AASS: variants seen among roughly 807,000 people sequenced by gnomAD.
AASS encodes aminoadipate-semialdehyde synthase.
A neutral mutation model predicts 105.4 loss-of-function variants in AASS; 86 were observed. The observed-to-expected ratio is 0.82, with a 90% CI of 0.69 to 0.98. The LOEUF is 0.98. Among genes scored for constraint, AASS ranks in the 50% least tolerant of loss-of-function variants. AASS has a pLI of 0.00. For synonymous variants in AASS, 381 were observed against 394.8 expected, an observed-to-expected ratio of 0.96 and a Z score of 0.41; for missense variants, 1,048 against 1,143.2, an observed-to-expected ratio of 0.92 and a Z score of 1.20.
chr7:122,083,327 G>C (rs911370885), intron 19 of AASS, among the ~76,000 whole-genome samples: 2 of 152,116 alleles, frequency 1.3e-5, no homozygotes, highest in African/African-American at 4.8e-5. Context: ...ATAGGTGCTA[G>C]AGATCCCTTT....
chr7:122,116,513 C>G (rs1352195529), intron 8 of AASS, 120 bp downstream of exon 8: 1 of 1,290,688 alleles, frequency 7.7e-7, no homozygotes, highest in Non-Finnish European at 1.1e-6. Context: ...TCATGATACC[C>G]AAAGGACTCA....
Position 122,074,559 on chromosome 7 carries a change from G to A in AASS, c.*1930C>T, listed in dbSNP as rs529070008. Among the ~76,000 whole-genome samples, 6 of 152,220 alleles carry A rather than the reference G, an allele frequency of 3.9e-5. No individual in the cohort carries two copies. Among genetic ancestry groups the A allele is most frequent in the African/African-American group, 1.4e-4 (6 of 41,528 alleles). On this transcript the variant is annotated 3_prime_UTR_variant, in exon 24 of 24. Coordinates refer to ENST00000417368, the MANE Select transcript of AASS (RefSeq NM_005763.4). ...TTAAGAAATCATTGCCTAATTCAAA[G>A]TCAGAAAGATTTACGCCATGTTTTC... is the stretch of plus-strand genomic sequence containing the variant.
Position 122,076,501 on chromosome 7 carries a change from T to C in AASS, c.2769A>G (p.Thr923=), listed in dbSNP as rs530793795. The C allele has an allele frequency of 4.5e-5, 72 of 1,609,736 alleles. 1 individual carries two copies. The South Asian group carries it at 7.6e-4, about 17-fold the overall frequency. ...AEGIIYTTQS[T]IKP ...ATATAATTCCCAATTATGGTTTAATTGTACTCTGTGTAGTATATATAATGC... is the reference window on the plus strand; with the variant it reads ...ATATAATTCCCAATTATGGTTTAATCGTACTCTGTGTAGTATATATAATGC... Residue 923 remains threonine, a synonymous_variant, in exon 24 of 24, where the codon ACA becomes ACG. Coordinates refer to ENST00000417368, the MANE Select transcript of AASS (RefSeq NM_005763.4).
intron 2 of AASS, among the ~76,000 whole-genome samples, chr7:122,131,379 GCTTA>G (rs1050996621): frequency 2.0e-5 from 3 of 151,280 alleles, no homozygotes; most frequent in Non-Finnish European, 3.0e-5. Context: ...CATTTAGTGG[GCTTA>G]CTATTAGTTG....
intron 11 of AASS, among the ~76,000 whole-genome samples, chr7:122,103,010 A>G (rs1428103309): frequency 6.6e-6 from 1 of 152,114 alleles, no homozygotes; most frequent in Non-Finnish European, 1.5e-5. Context: ...GACAATATAG[A>G]TAACTTTTTT....
chr7:122,133,728 T>C lies in AASS; in HGVS notation c.-2A>G, dbSNP rs279702. 8.8e-4 allele frequency: 1,419 copies of C among 1,613,994 alleles called. 8 individuals carry two copies. In the African/African-American group the frequency reaches 0.016, roughly 18 times the overall value. On this transcript the variant is annotated 5_prime_UTR_variant, in exon 2 of 24. Coordinates refer to ENST00000417368, the MANE Select transcript of AASS (RefSeq NM_005763.4). ...TCCAGTCCTATGTACTTGCAGCATC[T>C]TGACACCTGGTGACTGTAAAGACAA...
intron 22 of AASS, among the ~76,000 whole-genome samples, chr7:122,078,417 T>G (rs575610970): frequency 1.6e-4 from 25 of 151,678 alleles, no homozygotes; most frequent in African/African-American, 5.8e-4. Context: ...ATGAAGACCA[T>G]CCTGGCCAAC....
rs1030442677 is a variant in AASS at position 122,112,673 on chromosome 7, G to C, written c.1278+445C>G. Among the ~76,000 whole-genome samples, 10 of 152,100 alleles carry C rather than the reference G, an allele frequency of 6.6e-5. No homozygotes were observed. The South Asian group carries it at 8.3e-4, about 13-fold the overall frequency. On this transcript the variant is annotated intron_variant, in intron 11 of 23. Coordinates refer to ENST00000417368, the MANE Select transcript of AASS (RefSeq NM_005763.4). The stretch of plus-strand genomic sequence containing the variant: ...TTTCATTAGCTAATCAATGATCACA[G>C]AAGAAAAATACATGACCTCAACATA...
In AASS at chr7:122,098,516, C is replaced by A. The variant is rs1562918846; in HGVS notation, c.1589G>T (p.Ser530Ile). 1 of 1,611,288 alleles carries A rather than the reference C, an allele frequency of 6.2e-7. No homozygotes were observed. Among genetic ancestry groups the A allele is most frequent in the Middle Eastern group, 1.7e-4 (1 of 6,046 alleles). Residue 530 changes from serine to isoleucine, a missense_variant, in exon 15 of 24, where the codon AGC becomes ATC. Physicochemically the swap from Ser to Ile is moderately radical, Grantham distance 142. Coordinates refer to ENST00000417368, the MANE Select transcript of AASS (RefSeq NM_005763.4). ...LGKKYNINPV[S>I]MDICKQEEKL... ...CTCTTCTTGTTTACAAATGTCCATG[C>A]TAACAGGATTAATATTATATTTCTT...
intron 19 of AASS, chr7:122,082,743 T>C (rs1181615559): frequency 2.8e-6 from 3 of 1,065,226 alleles, no homozygotes; most frequent in Admixed American, 2.3e-5. Flanking sequence ...GGTGCTAGGT[T>C]AGAGGAAAAC....
At chr7:122,115,675 G>A (rs898170483) in intron 8 of AASS, among the ~76,000 whole-genome samples, 24 of 152,008 alleles carry the variant, frequency 1.6e-4, no homozygotes, top group African/African-American at 5.1e-4. Flanking sequence ...AGATTAAATC[G>A]GATAACATCT....
chr7:122,133,900 T>A, intron 1 of AASS, 159 bp from the exon 2 acceptor site: 1 of 684,828 alleles, frequency 1.5e-6, no homozygotes, highest in Admixed American at 2.7e-5. Flanking sequence ...CAAGTGTTCC[T>A]TTAAAGCCAA....
chr7:122,092,493 G>A (rs1046130391), intron 17 of AASS, among the ~76,000 whole-genome samples: 2 of 152,062 alleles, frequency 1.3e-5, no homozygotes, highest in African/African-American at 2.4e-5. Context: ...GGGAGGCTGA[G>A]GGGGGCAGAT....
chr7:122,093,112 T>A lies in AASS; in HGVS notation c.1702A>T (p.Thr568Ser). The A allele has an allele frequency of 6.2e-7, 1 of 1,613,994 alleles. No individual in the cohort carries two copies. The highest frequency in any genetic ancestry group is 8.5e-7 in the Non-Finnish European group (1 of 1,179,896). ...LHPLVAKACI[T>S]NKVNMVTASY... is the part of the protein sequence containing the mutation. ...GCAGTGACCATGTTAACTTTGTTTG[T>A]GATGCAGGCCTTGGCCACAAGAGGG... Residue 568 changes from threonine to serine, a missense_variant, in exon 16 of 24, where the codon ACA becomes TCA. Coordinates refer to ENST00000417368, the MANE Select transcript of AASS (RefSeq NM_005763.4).
intron 1 of AASS, among the ~76,000 whole-genome samples, chr7:122,138,646 G>A (rs982166150): frequency 1.3e-5 from 2 of 152,152 alleles, no homozygotes; most frequent in Admixed American, 1.3e-4. Context: ...AGCAATAGGA[G>A]AACATACTCT....
chr7:122,140,112 C>T (rs1796317209), intron 1 of AASS, among the ~76,000 whole-genome samples: 1 of 152,094 alleles, frequency 6.6e-6, no homozygotes, highest in Non-Finnish European at 1.5e-5. Context: ...TTCCATAGCA[C>T]CAACCCAATC....
intron 18 of AASS, among the ~76,000 whole-genome samples, chr7:122,089,347 A>G (rs1363337972): frequency 6.6e-6 from 1 of 152,154 alleles, no homozygotes; most frequent in African/African-American, 2.4e-5. Flanking sequence ...GGTCACAAAA[A>G]GCTTCATCCA....
intron 15 of AASS, 59 bp downstream of exon 15, chr7:122,098,391 A>C (rs1386815676): frequency 3.1e-6 from 5 of 1,598,414 alleles, no homozygotes; most frequent in Non-Finnish European, 4.3e-6. Flanking sequence ...AAAGAGAAAG[A>C]AAAATGAGAA....
chr7:122,126,597 G>T (rs1032445586), intron 3 of AASS, 138 bp from the exon 4 acceptor site: 7 of 730,828 alleles, frequency 9.6e-6, no homozygotes, highest in East Asian at 5.5e-5. Context: ...CTACCATCAG[G>T]TATACCATGA....
Sources: gnomAD v4.1 joint callset for allele counts (sites outside exome capture counted in the v4.1 genomes callset) on GRCh38, gnomAD v4.1.1 for gene constraint, MANE v1.5 for transcripts, NCBI Gene and HGNC (gene_info 2026-07-23, HGNC 2026-07-21) for gene names.